The following NDE1 variants were observed in gnomAD, a reference collection of about 807,000 sequenced individuals.
NDE1 encodes nudE neurodevelopment protein 1.
NDE1 carries 28 observed loss-of-function variants against 43.4 expected under a neutral mutation model. That is an observed-to-expected ratio of 0.65 (90% CI 0.48 to 0.89). NDE1 has a LOEUF of 0.89. NDE1 is among the 40% of genes least tolerant of loss of function. The pLI, the probability that NDE1 is intolerant of heterozygous loss-of-function variation, is 0.00. For missense variants in NDE1, 441 were observed against 434.1 expected (o/e 1.02, Z -0.14); for synonymous variants, 184 against 172.0 (o/e 1.07, Z -0.55).
chr16:15,721,276 C>A, intron 8 of NDE1: 2 of 1,042,776 alleles, frequency 1.9e-6, no homozygotes, highest in East Asian at 2.6e-5. Flanking sequence ...CCCTCCCAGC[C>A]CCTGCACCAG....
At chr16:15,657,405 A>G (rs1428896916) in intron 1 of NDE1, among the ~76,000 whole-genome samples, 4 of 151,826 alleles carry the variant, frequency 2.6e-5, no homozygotes, top group Admixed American at 1.3e-4. Flanking sequence ...AGCCACCAAT[A>G]TCTTAATGGC....
At chr16:15,654,617 C>CAAAAAAAAAAAAAAAAAAA (rs74269304) in intron 1 of NDE1, among the ~76,000 whole-genome samples, 1 of 82,376 alleles carries the variant, frequency 1.2e-5, no homozygotes, top group African/African-American at 4.7e-5. Flanking sequence ...AAAAAAAAAA[C>CAAAAAAAAAAAAAAAAAAA]AAAAAAAAAA....
chr16:15,725,319 T>C lies in NDE1; in HGVS notation c.*1068T>C. 1 of 564,012 alleles carries C rather than the reference T, an allele frequency of 1.8e-6. No individual in the cohort carries two copies. The highest frequency in any genetic ancestry group is 3.0e-5 in the East Asian group (1 of 33,156). 34.9% of individuals were successfully genotyped at this position (564,012 alleles called of 1,614,324 possible). Reference sequence around the variant, plus strand: ...GATCCTAGATCCCTGCCAAGGTTGGTAGAGACAAAGCAGCAGGTCTGAGAG... The same window carrying C: ...GATCCTAGATCCCTGCCAAGGTTGGCAGAGACAAAGCAGCAGGTCTGAGAG... On this transcript the variant is annotated 3_prime_UTR_variant, in exon 9 of 9. Coordinates refer to ENST00000396354, the MANE Select transcript of NDE1 (RefSeq NM_017668.3).
exon 1 of NDE1, chr16:15,643,395 CT>C: frequency 4.1e-6 from 2 of 488,484 alleles, no homozygotes; most frequent in Non-Finnish European, 8.4e-6. Flanking sequence ...TTAAGGAGGC[CT>C]TCCCCCTGGC....
chr16:15,644,503 C>T (rs1238440348), intron 1 of NDE1, among the ~76,000 whole-genome samples: 3 of 152,248 alleles, frequency 2.0e-5, no homozygotes, highest in South Asian at 4.1e-4. Flanking sequence ...GTGGGCTGGG[C>T]GCAGTGGCTC....
At chr16:15,694,118 A>C (rs368213651) in intron 6 of NDE1, 47 bp from the exon 7 acceptor site, 3 of 1,605,840 alleles carry the variant, frequency 1.9e-6, no homozygotes, top group Non-Finnish European at 2.5e-6. Context: ...ACGCACAGAC[A>C]TGACTATAGG....
At chr16:15,657,633 C>T (rs2036837169) in intron 1 of NDE1, among the ~76,000 whole-genome samples, 1 of 152,066 alleles carries the variant, frequency 6.6e-6, no homozygotes, top group African/African-American at 2.4e-5. Context: ...GTTCTGTCGC[C>T]CAGGCTGGGA....
chr16:15,720,699 C>T lies in NDE1; in HGVS notation c.948-3492C>T, dbSNP rs2040420339. The T allele has an allele frequency of 9.2e-6, 9 of 975,260 alleles. No homozygotes were observed. The South Asian group carries it at 1.1e-4, about 12-fold the overall frequency. The allele number at this position is 975,260 out of a possible 1,614,324, so 60.4% of individuals were successfully genotyped here. On this transcript the variant is annotated intron_variant, in intron 8 of 8. Coordinates refer to ENST00000396354, the MANE Select transcript of NDE1 (RefSeq NM_017668.3). ...AGTGAGCTGAGATTACGCCACTGCA[C>T]TCCAGCCTGGGCGACAGAGCGAGAC...
At chr16:15,702,844 C>G (rs1442886799) in intron 8 of NDE1, among the ~76,000 whole-genome samples, 1 of 152,140 alleles carries the variant, frequency 6.6e-6, no homozygotes. Flanking sequence ...CAGTCATGTT[C>G]GAGGGCAGGG....
intron 8 of NDE1, among the ~76,000 whole-genome samples, chr16:15,723,351 T>C (rs1158939841): frequency 6.6e-6 from 1 of 152,074 alleles, no homozygotes; most frequent in African/African-American, 2.4e-5. Context: ...TTAGTCTTTA[T>C]AAATAAATAT....
At chr16:15,723,257 A>G (rs886145131) in intron 8 of NDE1, among the ~76,000 whole-genome samples, 4 of 152,196 alleles carry the variant, frequency 2.6e-5, no homozygotes, top group Non-Finnish European at 5.9e-5. Context: ...TTAATATGCA[A>G]TGTTGAGGTG....
chr16:15,716,084 G>C (rs967634145), intron 8 of NDE1, among the ~76,000 whole-genome samples: 2 of 152,088 alleles, frequency 1.3e-5, no homozygotes, highest in Non-Finnish European at 2.9e-5. Flanking sequence ...CTGGGAAACA[G>C]AGTGAGACTA....
At chr16:15,696,576 G>A in intron 7 of NDE1, 133 bp from the exon 8 acceptor site, 4 of 1,531,628 alleles carry the variant, frequency 2.6e-6, no homozygotes, top group Admixed American at 1.9e-5. Flanking sequence ...ATTCCTCTTG[G>A]GGTCCCACCT....
chr16:15,707,353 C>T (rs552596942), intron 8 of NDE1, among the ~76,000 whole-genome samples: 21 of 152,232 alleles, frequency 1.4e-4, no homozygotes, highest in African/African-American at 3.9e-4. Flanking sequence ...TATTCGTGGA[C>T]TCAGCTTATC....
In NDE1 at chr16:15,687,370, G is replaced by C. The variant is rs553413896; in HGVS notation, c.387-5G>C. On this transcript the variant is annotated splice_polypyrimidine_tract_variant and splice_region_variant and intron_variant, in intron 4 of 8. Coordinates refer to ENST00000396354, the MANE Select transcript of NDE1 (RefSeq NM_017668.3). The stretch of plus-strand genomic sequence containing the variant: ...CTTGGATAACTCTGCTTTTCTCTTC[G>C]CCAGCGCCACGATCATGTCTCTCGA... 3 of 1,614,008 alleles carry C rather than the reference G, an allele frequency of 1.9e-6. No homozygotes were observed. The highest frequency in any genetic ancestry group is 2.5e-6 in the Non-Finnish European group (3 of 1,179,968).
At chr16:15,677,468 C>A (rs148234641) in intron 3 of NDE1, among the ~76,000 whole-genome samples, 3,476 of 152,110 alleles carry the variant, frequency 0.023, 53 homozygotes, top group Middle Eastern at 0.061. Flanking sequence ...TGGCTGTATT[C>A]CCAGCCACTT....
chr16:15,720,716 G>A (rs893592553), intron 8 of NDE1: 5 of 1,100,460 alleles, frequency 4.5e-6, no homozygotes, highest in South Asian at 2.6e-5. Context: ...CTGGGCGACA[G>A]AGCGAGACTC....
At chr16:15,672,388 C>G (rs927323872) in intron 3 of NDE1, among the ~76,000 whole-genome samples, 2 of 152,014 alleles carry the variant, frequency 1.3e-5, no homozygotes, top group South Asian at 2.1e-4. Flanking sequence ...GCTGAGATTG[C>G]GCCACTGTAC....
intron 1 of NDE1, among the ~76,000 whole-genome samples, chr16:15,654,000 G>A (rs1365842834): frequency 6.6e-6 from 1 of 151,962 alleles, no homozygotes; most frequent in African/African-American, 2.4e-5. Flanking sequence ...CAAAGTGCTG[G>A]GATTACAGGC....
Sources: allele counts gnomAD v4.1 joint callset (sites outside exome capture counted in the v4.1 genomes callset), GRCh38; gene constraint gnomAD v4.1.1; transcripts MANE v1.5; gene names NCBI Gene and HGNC (gene_info 2026-07-23, HGNC 2026-07-21).